TAF6: variants seen among roughly 807,000 people sequenced by gnomAD.
The protein encoded by TAF6 is TATA-box binding protein associated factor 6.
TAF6 carries 50 observed loss-of-function variants against 73.5 expected under a neutral mutation model. The ratio of observed to expected loss-of-function variants is 0.68; its 90% CI spans 0.54 to 0.86. TAF6 has a LOEUF of 0.86. Among genes scored for constraint, TAF6 ranks in the 40% least tolerant of loss-of-function variants. TAF6 has a pLI of 0.00. For missense variants in TAF6, 768 were observed against 899.5 expected, an observed-to-expected ratio of 0.85 and a Z score of 1.87; for synonymous variants, 424 against 376.7, an observed-to-expected ratio of 1.13 and a Z score of -1.45.
rs1797945162 is a variant in TAF6 at position 100,119,349 on chromosome 7, G to C, written c.-205C>G. 1 of 1,040,006 alleles carries C rather than the reference G, an allele frequency of 9.6e-7. No individual in the cohort carries two copies. Among genetic ancestry groups the C allele is most frequent in the Non-Finnish European group, 1.2e-6 (1 of 862,864 alleles). The allele number at this position is 1,040,006 out of a possible 1,614,324, so 64.4% of individuals were successfully genotyped here. On this transcript the variant is annotated 5_prime_UTR_variant, in exon 1 of 15. Transcript: ENST00000453269. ...CTCACCCGGCGCTCGGCGCCATCTTGGCCCCGCCCCCTCGTGGGAGCAGGT... is the reference window on the plus strand; with the variant it reads ...CTCACCCGGCGCTCGGCGCCATCTTCGCCCCGCCCCCTCGTGGGAGCAGGT...
At chr7:100,120,164 A>G (rs1015824228), upstream of TAF6, 39 of 278,528 alleles carry the variant, frequency 1.4e-4, no homozygotes, top group African/African-American at 8.3e-4. Flanking sequence ...GAGCATCTTC[A>G]GTGAGTGTTT....
Position 100,108,141 on chromosome 7 carries a change from A to G in TAF6, c.1459-18T>C. On this transcript the variant is annotated intron_variant, in intron 13 of 14. Transcript: ENST00000453269. ...GGCCGGGGCTGCGGGGAGAAGAGGA[A>G]AGGGGGAAGTGGCACCATCTACTAA... 1 of 1,580,186 alleles carries G rather than the reference A, an allele frequency of 6.3e-7. No individual in the cohort carries two copies. Among genetic ancestry groups the G allele is most frequent in the Non-Finnish European group, 8.6e-7 (1 of 1,167,426 alleles).
chr7:100,107,857 G>C, intron 14 of TAF6, 69 bp downstream of exon 14: 1 of 1,530,440 alleles, frequency 6.5e-7, no homozygotes, highest in South Asian at 1.3e-5. Flanking sequence ...CTCTACTCCT[G>C]GGCCTCCCCA....
At chr7:100,121,108 A>ATTTTTTTTTTTTTTTTTTTT (rs1562938218), upstream of TAF6, 2 of 17,896 alleles carry the variant, frequency 1.1e-4, no homozygotes, top group Non-Finnish European at 2.5e-4. Context: ...ATATATATAT[A>ATTTTTTTTTTTTTTTTTTTT]TATATATATT....
chr7:100,108,246 T>C, intron 13 of TAF6, 121 bp downstream of exon 13: 1 of 1,463,000 alleles, frequency 6.8e-7, no homozygotes, highest in Non-Finnish European at 9.1e-7. Flanking sequence ...GCATCCTCAC[T>C]CAGGGCCTGG....
At chr7:100,123,377 AATC>A (rs1030361259), upstream of TAF6, among the ~76,000 whole-genome samples, 4 of 151,932 alleles carry the variant, frequency 2.6e-5, no homozygotes, top group African/African-American at 7.3e-5. Context: ...AAAAAAAAGA[AATC>A]ATAATGAGCC....
At chr7:100,108,266 GACT>G in intron 13 of TAF6, 98 bp downstream of exon 13, 2 of 1,479,536 alleles carry the variant, frequency 1.4e-6, no homozygotes, top group Non-Finnish European at 1.8e-6. Context: ...GTTGCCCTGA[GACT>G]ACTGACTGAG....
At chr7:100,124,779 CAG>C (rs1562940165), upstream of TAF6, 3 of 1,613,394 alleles carry the variant, frequency 1.9e-6, no homozygotes, top group East Asian at 2.2e-5. Flanking sequence ...GAAGAGAAAA[CAG>C]AAGGGGAGGA....
chr7:100,112,177 A>G lies in TAF6; in HGVS notation c.651T>C (p.Ser217=). ...CCTTGTAGTAGAGCTGCTGCTCCAC[A>G]GACAACTCGTGGATGCTCCGGGGCT... ...RLKPRSIHEL[S]VEQQLYYKEI... The change falls in exon 7 of 15, where the codon TCT becomes TCC. Residue 217 remains serine, a synonymous_variant. Transcript: ENST00000453269. The G allele has an allele frequency of 6.2e-7, 1 of 1,614,156 alleles. No homozygotes were observed. Among genetic ancestry groups the G allele is most frequent in the Non-Finnish European group, 8.5e-7 (1 of 1,180,022 alleles).
upstream of TAF6, among the ~76,000 whole-genome samples, chr7:100,123,289 C>G (rs948470925): frequency 6.6e-6 from 1 of 151,746 alleles, no homozygotes; most frequent in African/African-American, 2.4e-5. Flanking sequence ...TTGCCATGAG[C>G]CAAGATCGCA....
upstream of TAF6, chr7:100,122,146 A>G: frequency 7.4e-7 from 1 of 1,344,236 alleles, no homozygotes; most frequent in Non-Finnish European, 1.0e-6. Flanking sequence ...CAACCCAGCC[A>G]GTCTGGCTCC....
intron 1 of TAF6, chr7:100,118,931 C>T (rs778593001): frequency 4.1e-6 from 4 of 985,366 alleles, no homozygotes; most frequent in Non-Finnish European, 4.8e-6. Context: ...ACTTCCCTGG[C>T]GAACTCCTAC....
intron 6 of TAF6, 108 bp downstream of exon 6, chr7:100,112,690 G>T: frequency 7.0e-7 from 1 of 1,424,540 alleles, no homozygotes; most frequent in Non-Finnish European, 9.4e-7. Flanking sequence ...ACTCCAGCCT[G>T]GGTGACAGAG....
Position 100,112,180 on chromosome 7 carries a change from C to T in TAF6, c.648G>A (p.Leu216=), listed in dbSNP as rs1797243331. The change falls in exon 7 of 15, where the codon TTG becomes TTA. Residue 216 remains leucine (L), a synonymous_variant. Transcript: ENST00000453269. ...LRLKPRSIHE[L]SVEQQLYYKE... ...TGTAGTAGAGCTGCTGCTCCACAGACAACTCGTGGATGCTCCGGGGCTTCA... is the reference window on the plus strand; with the variant it reads ...TGTAGTAGAGCTGCTGCTCCACAGATAACTCGTGGATGCTCCGGGGCTTCA... The T allele has an allele frequency of 6.2e-7, 1 of 1,614,082 alleles. No homozygotes were observed. Among genetic ancestry groups the T allele is most frequent in the South Asian group, 1.1e-5 (1 of 91,084 alleles).
At chr7:100,111,549 A>G (rs1797181935) in intron 9 of TAF6, among the ~76,000 whole-genome samples, 179 bp downstream of exon 9, 1 of 151,970 alleles carries the variant, frequency 6.6e-6, no homozygotes, top group African/African-American at 2.4e-5. Flanking sequence ...TTTTGTAGAG[A>G]TAGCAGTCTC....
At chr7:100,121,113 T>TATATATAC (rs1562938318), upstream of TAF6, 3 of 35,126 alleles carry the variant, frequency 8.5e-5, no homozygotes, top group Admixed American at 3.4e-4. Flanking sequence ...TATATATATA[T>TATATATAC]ATATTTTTTT....
At chr7:100,124,951 T>C in the TAF6 span, 30 of 1,511,992 alleles carry the variant, frequency 2.0e-5, no homozygotes, top group African/African-American at 3.5e-4. Flanking sequence ...GCCTGCACTC[T>C]CCCTGCTCCA....
intron 1 of TAF6, chr7:100,118,389 A>C (rs887394448): frequency 4.6e-5 from 7 of 151,370 alleles, no homozygotes; most frequent in Admixed American, 2.0e-4. Flanking sequence ...CAAGAGAGGT[A>C]ACTCACCCCA....
chr7:100,114,199 TC>T lies in TAF6; in HGVS notation c.10del (p.Glu4ArgfsTer4). The T allele has an allele frequency of 1.2e-6, 2 of 1,614,190 alleles. No individual in the cohort carries two copies. The highest frequency in any genetic ancestry group is 1.7e-6 in the Non-Finnish European group (2 of 1,180,034). ...AGTGTTGCTAAGCTTCAGCTTCTTC[TC>T]CTCAGCCATTCTGGAGTCCCTCTTC... MAE[E>X]KKLKLSNTVL... On this transcript the variant is annotated frameshift_variant, in exon 2 of 15. Transcript: ENST00000453269. LOFTEE classifies it high-confidence loss of function.
Sources: allele counts gnomAD v4.1 joint callset (sites outside exome capture counted in the v4.1 genomes callset), GRCh38; gene constraint gnomAD v4.1.1; transcripts MANE v1.5; gene names NCBI Gene and HGNC (gene_info 2026-07-23, HGNC 2026-07-21).